Variants in CRPPA observed in about 807,000 individuals in gnomAD.
CRPPA encodes the protein CDP-L-ribitol pyrophosphorylase A.
Under a neutral mutation model 52.0 loss-of-function variants are expected in CRPPA, and 43 were observed. The ratio of observed to expected loss-of-function variants is 0.83; its 90% CI spans 0.65 to 1.07. The LOEUF is 1.07. CRPPA is among the 50% of genes least tolerant of loss of function. The probability of loss-of-function intolerance (pLI) is 0.00; values close to 1 mark genes in which losing one functional copy is unlikely to be tolerated. For synonymous variants in CRPPA, 250 were observed against 203.5 expected (o/e 1.23, Z -1.94); for missense variants, 629 against 551.7 (o/e 1.14, Z -1.40).
At chr7:16,131,840 CA>C (rs1782686802) in intron 9 of CRPPA, among the ~76,000 whole-genome samples, 1 of 152,198 alleles carries the variant, frequency 6.6e-6, no homozygotes, top group Admixed American at 6.5e-5. Flanking sequence ...CTTGGCCTCT[CA>C]AAGTGCAGGT....
chr7:16,366,898 C>G (rs1424302125), intron 3 of CRPPA, among the ~76,000 whole-genome samples: 2 of 151,936 alleles, frequency 1.3e-5, no homozygotes, highest in African/African-American at 2.4e-5. Context: ...TTTACTTCCT[C>G]TGATGAAATA....
chr7:16,339,048 G>A (rs557134669), intron 3 of CRPPA, among the ~76,000 whole-genome samples: 34 of 151,774 alleles, frequency 2.2e-4, no homozygotes, highest in Non-Finnish European at 3.5e-4. Flanking sequence ...CTCGTGATCC[G>A]CCCGCCTCGG....
chr7:16,357,593 G>A (rs920967694), intron 3 of CRPPA, among the ~76,000 whole-genome samples: 1 of 152,066 alleles, frequency 6.6e-6, no homozygotes, highest in Non-Finnish European at 1.5e-5. Context: ...CTACTTCACA[G>A]GACAAAAAGA....
intron 9 of CRPPA, among the ~76,000 whole-genome samples, chr7:16,188,368 T>G (rs1327520063): frequency 6.6e-6 from 1 of 152,292 alleles, no homozygotes; most frequent in Non-Finnish European, 1.5e-5. Flanking sequence ...TAGATGACTA[T>G]TAAATACATA....
chr7:16,214,504 G>T (rs1782248545), intron 9 of CRPPA, among the ~76,000 whole-genome samples: 3 of 151,910 alleles, frequency 2.0e-5, no homozygotes, highest in Non-Finnish European at 4.4e-5. Flanking sequence ...AAACAAAAAA[G>T]ATTTTTTTTT....
rs1260527883 is a variant in CRPPA, at chr7:16,303,682, A to G, written c.790-2216T>C. Reference sequence around the variant, plus strand: ...TACCAATCATATACATATAGAAAATATTCTTTTCTGGATACCTATATAAAA... The same window carrying G: ...TACCAATCATATACATATAGAAAATGTTCTTTTCTGGATACCTATATAAAA... On this transcript the variant is annotated intron_variant, in intron 4 of 9. Coordinates refer to ENST00000407010, the MANE Select transcript of CRPPA (RefSeq NM_001101426.4). 2.0e-5 allele frequency among the ~76,000 whole-genome samples: 3 copies of G among 152,224 alleles called. No homozygotes were observed. In the East Asian group the frequency reaches 5.8e-4, roughly 29 times the overall value.
intron 3 of CRPPA, among the ~76,000 whole-genome samples, chr7:16,317,163 T>C (rs369921317): frequency 1.6e-4 from 24 of 152,170 alleles, no homozygotes; most frequent in African/African-American, 5.8e-4. Flanking sequence ...AGAAGTCAAA[T>C]AGACTTGGGT....
intron 5 of CRPPA, among the ~76,000 whole-genome samples, chr7:16,285,694 C>T (rs1784411126): frequency 6.6e-6 from 1 of 151,758 alleles, no homozygotes; most frequent in Non-Finnish European, 1.5e-5. Flanking sequence ...GTCTGAGAAC[C>T]TCTAAATGGT....
At chr7:16,094,656 A>T (rs1204878888) in intron 9 of CRPPA, among the ~76,000 whole-genome samples, 1 of 152,122 alleles carries the variant, frequency 6.6e-6, no homozygotes, top group Non-Finnish European at 1.5e-5. Context: ...AATGTTTATT[A>T]AACTCAGGTA....
intron 8 of CRPPA, among the ~76,000 whole-genome samples, chr7:16,233,605 G>A (rs1282864758): frequency 6.6e-6 from 1 of 152,148 alleles, no homozygotes; most frequent in East Asian, 1.9e-4. Context: ...ATGCATGTCT[G>A]CACACATAAG....
intron 2 of CRPPA, among the ~76,000 whole-genome samples, chr7:16,382,020 T>C (rs549272131): frequency 2.8e-4 from 42 of 151,918 alleles, no homozygotes; most frequent in Middle Eastern, 3.4e-3. Flanking sequence ...ATGTGTGAAT[T>C]TGATCCTGTC....
At position 16,117,204 on chromosome 7, in the gene CRPPA, T is replaced by A. The variant is rs545182613; in HGVS notation, c.1252-25405A>T. On this transcript the variant is annotated intron_variant, in intron 9 of 9. Coordinates refer to ENST00000407010, the MANE Select transcript of CRPPA (RefSeq NM_001101426.4). ...CCTTTTGTTGTATCTTCCATGTGAA[T>A]CGGTTGTTTCTCTCTCTTTATTCCC... Among the ~76,000 whole-genome samples the A allele has an allele frequency of 4.2e-4, 64 of 152,224 alleles. 1 individual carries two copies. Among genetic ancestry groups the A allele is most frequent in the Non-Finnish European group, 7.3e-4 (50 of 68,038 alleles).
intron 2 of CRPPA, among the ~76,000 whole-genome samples, chr7:16,395,701 T>A (rs1787552324): frequency 1.3e-5 from 2 of 152,234 alleles, no homozygotes; most frequent in Non-Finnish European, 2.9e-5. Flanking sequence ...TTTTACATTC[T>A]ACCTATAAAT....
intron 3 of CRPPA, among the ~76,000 whole-genome samples, chr7:16,359,475 A>G (rs544616536): frequency 6.6e-6 from 1 of 152,328 alleles, no homozygotes; most frequent in South Asian, 2.1e-4. Context: ...ATATACATGT[A>G]GCCAGCAGTT....
At chr7:16,286,190 C>A (rs1784445166) in intron 5 of CRPPA, among the ~76,000 whole-genome samples, 1 of 145,724 alleles carries the variant, frequency 6.9e-6, no homozygotes, top group Non-Finnish European at 1.5e-5. Context: ...TTGACTGGAC[C>A]ACAGGGTGCC....
intron 8 of CRPPA, among the ~76,000 whole-genome samples, chr7:16,229,742 A>C (rs1285137530): frequency 6.6e-6 from 1 of 151,964 alleles, no homozygotes; most frequent in Non-Finnish European, 1.5e-5. Flanking sequence ...TATATTTTCA[A>C]ATGTTTTCAT....
chr7:16,263,384 A>G (rs561811025), intron 6 of CRPPA, among the ~76,000 whole-genome samples: 4 of 152,328 alleles, frequency 2.6e-5, no homozygotes, highest in East Asian at 1.9e-4. Flanking sequence ...ATTGACTTCA[A>G]TATCTACTTG....
intron 6 of CRPPA, among the ~76,000 whole-genome samples, chr7:16,271,586 G>A (rs898912790): frequency 6.6e-6 from 1 of 152,084 alleles, no homozygotes. Context: ...CCCCAATGAA[G>A]CTCTTTATGT....
At chr7:16,200,977 C>T (rs1781839099) in intron 9 of CRPPA, among the ~76,000 whole-genome samples, 1 of 152,040 alleles carries the variant, frequency 6.6e-6, no homozygotes, top group Non-Finnish European at 1.5e-5. Context: ...AAGCATTTTT[C>T]CTTAATATTT....
Sources: allele counts gnomAD v4.1 joint callset (sites outside exome capture counted in the v4.1 genomes callset), GRCh38; gene constraint gnomAD v4.1.1; transcripts MANE v1.5; gene names NCBI Gene and HGNC (gene_info 2026-07-23, HGNC 2026-07-21).